Variants in AGBL1 observed in about 807,000 individuals in gnomAD.
The protein encoded by AGBL1 is AGBL carboxypeptidase 1.
Under a neutral mutation model 118.9 loss-of-function variants are expected in AGBL1, and 130 were observed. The observed-to-expected ratio is 1.09, with a 90% CI of 0.95 to 1.26. The LOEUF (loss-of-function observed/expected upper bound fraction) is 1.26. Ranked by LOEUF, AGBL1 falls within the 50% of genes most tolerant of loss-of-function variation. The pLI, the probability that AGBL1 is intolerant of heterozygous loss-of-function variation, is 0.00. For missense variants in AGBL1, 1,584 were observed against 1,298.1 expected (o/e 1.22, Z -3.38); for synonymous variants, 555 against 478.9 (o/e 1.16, Z -2.08).
chr15:86,935,998 G>T (rs927669699), intron 23 of AGBL1, among the ~76,000 whole-genome samples: 15 of 152,242 alleles, frequency 9.9e-5, no homozygotes, highest in African/African-American at 3.4e-4. Flanking sequence ...TCCTGTCCTC[G>T]GCTGAAGAGC....
chr15:86,767,378 C>A (rs567088494), intron 22 of AGBL1, among the ~76,000 whole-genome samples: 20 of 151,958 alleles, frequency 1.3e-4, no homozygotes, highest in Non-Finnish European at 1.5e-4. Flanking sequence ...GAAAGACAGA[C>A]TTTTTCCCTC....
chr15:86,545,565 C>T (rs71399901), intron 19 of AGBL1, among the ~76,000 whole-genome samples: 1 of 152,102 alleles, frequency 6.6e-6, no homozygotes, highest in Non-Finnish European at 1.5e-5. Flanking sequence ...TCTCCACACT[C>T]TGAAATGCCC....
chr15:86,636,659 A>C (rs2085091037), intron 21 of AGBL1, among the ~76,000 whole-genome samples: 2 of 120,466 alleles, frequency 1.7e-5, no homozygotes, highest in South Asian at 2.8e-4. Context: ...AGAAATTTTT[A>C]ATCTTATCAT....
At chr15:86,773,279 G>A (rs913918263) in intron 22 of AGBL1, among the ~76,000 whole-genome samples, 2 of 152,018 alleles carry the variant, frequency 1.3e-5, no homozygotes, top group Non-Finnish European at 2.9e-5. Context: ...GATGGGGTAC[G>A]GAGGAGGCAC....
At chr15:86,328,927 G>A (rs2080228895) in intron 17 of AGBL1, among the ~76,000 whole-genome samples, 1 of 152,184 alleles carries the variant, frequency 6.6e-6, no homozygotes, top group Non-Finnish European at 1.5e-5. Context: ...AATTTGCATA[G>A]CTGTGCAAGC....
intron 23 of AGBL1, among the ~76,000 whole-genome samples, chr15:86,927,296 A>C (rs976176066): frequency 2.0e-5 from 3 of 152,110 alleles, no homozygotes; most frequent in African/African-American, 7.2e-5. Context: ...ATAATAAGGA[A>C]AGTTATTTTA....
At chr15:86,633,585 T>C (rs998507720) in intron 21 of AGBL1, among the ~76,000 whole-genome samples, 1 of 151,886 alleles carries the variant, frequency 6.6e-6, no homozygotes, top group Non-Finnish European at 1.5e-5. Flanking sequence ...TTTTGATGGT[T>C]CTTTATATAG....
chr15:86,289,146 T>C (rs926889954), intron 16 of AGBL1, among the ~76,000 whole-genome samples: 2 of 152,200 alleles, frequency 1.3e-5, no homozygotes, highest in African/African-American at 4.8e-5. Flanking sequence ...AAAGTGCCTC[T>C]TATATACAAC....
intron 19 of AGBL1, among the ~76,000 whole-genome samples, chr15:86,542,670 G>A (rs2083521291): frequency 6.6e-6 from 1 of 151,902 alleles, no homozygotes; most frequent in Non-Finnish European, 1.5e-5. Context: ...CGCCTGGCGA[G>A]ATGGGGTCTT....
At chr15:86,128,955 T>A (rs1309431251) in intron 1 of AGBL1, among the ~76,000 whole-genome samples, 2 of 152,206 alleles carry the variant, frequency 1.3e-5, no homozygotes, top group African/African-American at 4.8e-5. Flanking sequence ...CTCCCAATTA[T>A]ATTAACACAG....
intron 20 of AGBL1, 106 bp from the exon 21 acceptor site, chr15:86,554,254 CG>C: frequency 1.1e-6 from 1 of 948,442 alleles, no homozygotes; most frequent in East Asian, 3.0e-5. Context: ...TTTAAAGTAA[CG>C]AGTATTTTAT....
intron 15 of AGBL1, among the ~76,000 whole-genome samples, chr15:86,277,150 T>C (rs1319216447): frequency 6.6e-6 from 1 of 151,440 alleles, no homozygotes; most frequent in Non-Finnish European, 1.5e-5. Flanking sequence ...TAATAAGATT[T>C]TTTTTTTTTT....
chr15:86,274,855 G>A (rs1312262639), intron 15 of AGBL1, among the ~76,000 whole-genome samples: 2 of 151,968 alleles, frequency 1.3e-5, no homozygotes, highest in Non-Finnish European at 2.9e-5. Context: ...ATCATTTTAA[G>A]GAGAAATTCT....
At chr15:86,890,368 C>A (rs1596597582) in intron 22 of AGBL1, among the ~76,000 whole-genome samples, 1 of 152,064 alleles carries the variant, frequency 6.6e-6, no homozygotes, top group African/African-American at 2.4e-5. Flanking sequence ...ATAATTGTTT[C>A]TTTTGCCATG....
intron 17 of AGBL1, among the ~76,000 whole-genome samples, chr15:86,361,629 A>AT (rs2080806994): frequency 6.6e-6 from 1 of 151,920 alleles, no homozygotes; most frequent in Non-Finnish European, 1.5e-5. Context: ...AGGTTCTTTG[A>AT]TGTTGGGGGC....
intron 16 of AGBL1, among the ~76,000 whole-genome samples, chr15:86,293,783 ATTCATTTTATT>A (rs1354852867): frequency 2.0e-5 from 3 of 152,138 alleles, no homozygotes; most frequent in Admixed American, 6.6e-5. Context: ...ATTTTTACAT[ATTCATTTTATT>A]AAAAAATTCA....
At chr15:86,984,989 T>A (rs2081267249) in intron 23 of AGBL1, among the ~76,000 whole-genome samples, 3 of 152,204 alleles carry the variant, frequency 2.0e-5, no homozygotes. Flanking sequence ...ATTGAAACAT[T>A]CAGTTTTTAT....
At chr15:86,295,456 C>T in intron 17 of AGBL1, 48 bp downstream of exon 17, 1 of 1,503,974 alleles carries the variant, frequency 6.6e-7, no homozygotes. Context: ...TAAGGGTGTC[C>T]TTTATAGTCT....
intron 18 of AGBL1, among the ~76,000 whole-genome samples, chr15:86,438,786 C>T (rs903894934): frequency 2.0e-5 from 3 of 151,804 alleles, no homozygotes; most frequent in Admixed American, 2.0e-4. Context: ...TTCAGCCTCC[C>T]AGATAGCTGG....
Sources: allele counts gnomAD v4.1 joint callset (sites outside exome capture counted in the v4.1 genomes callset), GRCh38; gene constraint gnomAD v4.1.1; transcripts MANE v1.5; gene names NCBI Gene and HGNC (gene_info 2026-07-23, HGNC 2026-07-21).